Variants in DCAKD observed in about 807,000 individuals in gnomAD.
The protein encoded by DCAKD is dephospho-CoA kinase domain-containing protein.
Under a neutral mutation model 18.7 loss-of-function variants are expected in DCAKD, and 15 were observed. The ratio of observed to expected loss-of-function variants is 0.80; its 90% confidence interval spans 0.54 to 1.24. The LOEUF (loss-of-function observed/expected upper bound fraction) is 1.24. Among genes scored for constraint, DCAKD ranks in the 50% most tolerant of loss-of-function variants. The probability of loss-of-function intolerance (pLI) is 0.00; values close to 1 mark genes in which losing one functional copy is unlikely to be tolerated. For missense variants in DCAKD, 301 were observed against 322.0 expected (o/e 0.93, Z 0.50); for synonymous variants, 130 against 133.0 (o/e 0.98, Z 0.16).
At chr17:45,041,127 C>A (rs1303123909) in intron 1 of DCAKD, among the ~76,000 whole-genome samples, 1 of 152,004 alleles carries the variant, frequency 6.6e-6, no homozygotes, top group African/African-American at 2.4e-5. Context: ...CCCAAGGTAG[C>A]CAGGGTCATG....
At chr17:45,033,908 C>T in intron 3 of DCAKD, 3 of 1,427,082 alleles carry the variant, frequency 2.1e-6, no homozygotes, top group Non-Finnish European at 2.8e-6. Context: ...CTTATTACTC[C>T]CATCCCTACT....
chr17:45,038,699 C>T (rs1159238660), intron 1 of DCAKD, among the ~76,000 whole-genome samples: 1 of 152,156 alleles, frequency 6.6e-6, no homozygotes, highest in East Asian at 1.9e-4. Flanking sequence ...CCCGGGTTAC[C>T]TAATGAGTAT....
intron 1 of DCAKD, among the ~76,000 whole-genome samples, chr17:45,059,093 A>C (rs1438393755): frequency 6.6e-6 from 1 of 152,046 alleles, no homozygotes; most frequent in Non-Finnish European, 1.5e-5. Flanking sequence ...ACAAAAAATT[A>C]GCCGGGTGAG....
At chr17:45,037,176 T>A (rs982641446) in intron 1 of DCAKD, among the ~76,000 whole-genome samples, 1 of 152,058 alleles carries the variant, frequency 6.6e-6, no homozygotes. Context: ...TATTTAACAA[T>A]CATTTCTAGG....
At chr17:45,046,577 T>C (rs62065826) in intron 1 of DCAKD, among the ~76,000 whole-genome samples, 22,138 of 146,388 alleles carry the variant, frequency 0.15, 1,938 homozygotes, top group Non-Finnish European at 0.2. Context: ...GATCGTGCCA[T>C]TGCATTCCAG....
chr17:45,055,240 T>C (rs1175633981), upstream of DCAKD, among the ~76,000 whole-genome samples: 3 of 152,204 alleles, frequency 2.0e-5, no homozygotes, highest in Non-Finnish European at 2.9e-5. Flanking sequence ...GTCACCTCTG[T>C]GTCCTTAGCA....
At chr17:45,053,241 G>GT (rs761773614), upstream of DCAKD, among the ~76,000 whole-genome samples, 1,645 of 103,486 alleles carry the variant, frequency 0.016, 14 homozygotes, top group African/African-American at 0.033. Context: ...AGTTGTTTTT[G>GT]TTTTTTTTTT....
At chr17:45,057,019 G>A (rs977235953) in intron 1 of DCAKD, among the ~76,000 whole-genome samples, 8 of 151,886 alleles carry the variant, frequency 5.3e-5, no homozygotes, top group Non-Finnish European at 8.8e-5. Context: ...TGCCCGCCTT[G>A]GCCTCCCAAA....
At chr17:45,034,433 G>A in intron 2 of DCAKD, 43 bp from the exon 3 acceptor site, 1 of 1,607,312 alleles carries the variant, frequency 6.2e-7, no homozygotes, top group Non-Finnish European at 8.5e-7. Context: ...TGAAGCCTCA[G>A]GGCCAGTCAG....
chr17:45,059,560 T>C (rs1375617401), intron 1 of DCAKD, among the ~76,000 whole-genome samples: 2 of 152,146 alleles, frequency 1.3e-5, no homozygotes, highest in Admixed American at 6.6e-5. Flanking sequence ...TCAATCAAGG[T>C]TAAAAACAGA....
At chr17:45,049,123 CAA>C (rs1283749218) in intron 1 of DCAKD, among the ~76,000 whole-genome samples, 1 of 151,812 alleles carries the variant, frequency 6.6e-6, no homozygotes, top group Non-Finnish European at 1.5e-5. Context: ...TGTGAGGAAA[CAA>C]AGTGGAAATA....
At chr17:45,048,762 C>A (rs765068824) in intron 1 of DCAKD, among the ~76,000 whole-genome samples, 1 of 150,216 alleles carries the variant, frequency 6.7e-6, no homozygotes, top group Non-Finnish European at 1.5e-5. Context: ...GCCAAGACTG[C>A]GCCACTGCAC....
intron 1 of DCAKD, among the ~76,000 whole-genome samples, chr17:45,045,912 A>G (rs371556231): frequency 0.09 from 13,666 of 151,244 alleles, 721 homozygotes; most frequent in East Asian, 0.15. Flanking sequence ...TGCAACCTCT[A>G]CCTCCTGGGT....
At chr17:45,051,340 C>T (rs2053690413) in intron 1 of DCAKD, 21 bp downstream of exon 1, 1 of 152,198 alleles carries the variant, frequency 6.6e-6, no homozygotes, top group South Asian at 2.1e-4. Flanking sequence ...GACAATGGGC[C>T]GTGGATATAA....
intron 2 of DCAKD, 81 bp from the exon 3 acceptor site, chr17:45,034,471 A>G: frequency 6.7e-7 from 1 of 1,502,460 alleles, no homozygotes; most frequent in Non-Finnish European, 9.1e-7. Context: ...GGGCAAAATG[A>G]TGGGGGAACT....
At chr17:45,044,296 A>G (rs1039389506) in intron 1 of DCAKD, among the ~76,000 whole-genome samples, 1 of 151,516 alleles carries the variant, frequency 6.6e-6, no homozygotes, top group Non-Finnish European at 1.5e-5. Flanking sequence ...GGGCTGCCCC[A>G]TTCACTCCCT....
intron 4 of DCAKD, among the ~76,000 whole-genome samples, chr17:45,025,009 CTTTT>C (rs747194341): frequency 4.4e-5 from 5 of 113,296 alleles, no homozygotes; most frequent in East Asian, 5.0e-4. Flanking sequence ...GGCCACAGCT[CTTTT>C]TTTTTTTTTT....
intron 1 of DCAKD, among the ~76,000 whole-genome samples, chr17:45,045,657 G>A (rs2053549775): frequency 6.6e-6 from 1 of 151,508 alleles, no homozygotes; most frequent in Admixed American, 6.6e-5. Flanking sequence ...ACTTGAACCC[G>A]GGAGGGGGAG....
chr17:45,030,330 G>A (rs1024172955), intron 3 of DCAKD, 151 bp from the exon 4 acceptor site: 8 of 676,686 alleles, frequency 1.2e-5, no homozygotes, highest in African/African-American at 8.9e-5. Flanking sequence ...TTCCAATGCC[G>A]TGCAGAACAG....
Sources: gnomAD v4.1 joint callset for allele counts (sites outside exome capture counted in the v4.1 genomes callset) on GRCh38, gnomAD v4.1.1 for gene constraint, MANE v1.5 for transcripts, NCBI Gene and HGNC (gene_info 2026-07-23, HGNC 2026-07-21) for gene names.